Variants in NRG1 observed in about 807,000 individuals in gnomAD.
The protein encoded by NRG1 is neuregulin 1.
In NRG1, 18 loss-of-function variants were observed where a neutral mutation model predicts 63.8. That is an observed-to-expected ratio of 0.28 (90% CI 0.19 to 0.42). The LOEUF is 0.42. Among genes scored for constraint, NRG1 ranks in the 10% least tolerant of loss-of-function variants. NRG1 has a pLI of 1.00. For synonymous variants in NRG1, 302 were observed against 301.3 expected (o/e 1.00, Z -0.02); for missense variants, 762 against 814.7 (o/e 0.94, Z 0.79).
At chr8:32,307,383 G>C (rs1043947508) in intron 1 of NRG1, among the ~76,000 whole-genome samples, 1 of 151,754 alleles carries the variant, frequency 6.6e-6, no homozygotes, top group Non-Finnish European at 1.5e-5. Flanking sequence ...AAGTTAGTCA[G>C]CAAAGAGAAA....
At chr8:31,881,506 C>T (rs1167634580) in intron 1 of NRG1, among the ~76,000 whole-genome samples, 2 of 152,276 alleles carry the variant, frequency 1.3e-5, no homozygotes, top group East Asian at 1.9e-4. Context: ...CCTATAATGG[C>T]TTCTAACTGT....
intron 4 of NRG1, 111 bp from the exon 5 acceptor site, chr8:32,616,724 C>G (rs57944175): frequency 1.3e-6 from 1 of 778,964 alleles, no homozygotes; most frequent in Admixed American, 2.0e-5. Flanking sequence ...CTCTGTTGCA[C>G]GGTGTTCTAC....
intron 1 of NRG1, among the ~76,000 whole-genome samples, chr8:32,448,630 G>C (rs1587712998): frequency 6.6e-6 from 1 of 152,098 alleles, no homozygotes; most frequent in Non-Finnish European, 1.5e-5. Flanking sequence ...ACAGGATTGA[G>C]ATGAAAACCA....
chr8:31,699,181 G>A (rs1810378528), intron 1 of NRG1, among the ~76,000 whole-genome samples: 1 of 117,764 alleles, frequency 8.5e-6, no homozygotes, highest in African/African-American at 3.0e-5. Flanking sequence ...ACTAAAATGG[G>A]GTTCTGAGTT....
chr8:32,168,792 C>T (rs1335678871), intron 1 of NRG1, among the ~76,000 whole-genome samples: 1 of 152,162 alleles, frequency 6.6e-6, no homozygotes, highest in East Asian at 1.9e-4. Context: ...GACCATTCAT[C>T]CCCTTCCTAG....
intron 1 of NRG1, among the ~76,000 whole-genome samples, chr8:32,562,751 C>A (rs905065779): frequency 4.6e-5 from 7 of 152,074 alleles, no homozygotes; most frequent in African/African-American, 1.7e-4. Context: ...GAATCAGGAA[C>A]CTTGGTCAAA....
At chr8:32,077,513 A>T (rs1279922808) in intron 1 of NRG1, among the ~76,000 whole-genome samples, 1 of 152,232 alleles carries the variant, frequency 6.6e-6, no homozygotes, top group Admixed American at 6.5e-5. Context: ...GATTAATTGA[A>T]TGAATCATAT....
chr8:32,278,273 T>G (rs374284534), intron 1 of NRG1, among the ~76,000 whole-genome samples: 1 of 152,106 alleles, frequency 6.6e-6, no homozygotes, highest in South Asian at 2.1e-4. Context: ...ACTACTAAAT[T>G]GTTAGTAAAA....
chr8:32,480,575 G>A (rs1056413268), intron 1 of NRG1, among the ~76,000 whole-genome samples: 10 of 152,094 alleles, frequency 6.6e-5, no homozygotes, highest in East Asian at 3.9e-4. Context: ...GTGTTAGTCC[G>A]TTTTTGCGTT....
chr8:32,702,179 T>C (rs1033425017), intron 5 of NRG1, among the ~76,000 whole-genome samples: 3 of 152,282 alleles, frequency 2.0e-5, no homozygotes, highest in African/African-American at 7.2e-5. Flanking sequence ...TTTAGGGAAG[T>C]GTATCCTGAG....
rs535834688 is a variant in NRG1 at position 31,963,374 on chromosome 8, G to T, written c.37+323943G>T. ...CATTACCTTGAATATTGGAATTTTTGATTTTTGGATACATCAGTGTCCAGT... is the reference window on the plus strand; with the variant it reads ...CATTACCTTGAATATTGGAATTTTTTATTTTTGGATACATCAGTGTCCAGT... On this transcript the variant is annotated intron_variant, in intron 1 of 10. Transcript: ENST00000519301. Among the ~76,000 whole-genome samples, 6 of 152,220 alleles carry T rather than the reference G, an allele frequency of 3.9e-5. No individual in the cohort carries two copies. In the East Asian group the frequency reaches 7.7e-4, roughly 20 times the overall value.
intron 1 of NRG1, among the ~76,000 whole-genome samples, chr8:32,410,628 T>C (rs968986972): frequency 6.6e-6 from 1 of 152,160 alleles, no homozygotes; most frequent in Non-Finnish European, 1.5e-5. Context: ...CATTTCTTCT[T>C]CTCTTCTTCA....
chr8:31,729,986 G>A (rs563429301), intron 1 of NRG1, among the ~76,000 whole-genome samples: 55 of 152,234 alleles, frequency 3.6e-4, no homozygotes, highest in African/African-American at 1.3e-3. Context: ...TTCCTACGGA[G>A]TATAGGGTAA....
At chr8:32,527,488 T>A (rs982039728) in intron 1 of NRG1, among the ~76,000 whole-genome samples, 2 of 151,734 alleles carry the variant, frequency 1.3e-5, no homozygotes, top group African/African-American at 2.4e-5. Flanking sequence ...GAAATTGGAA[T>A]AATAGACATT....
At chr8:32,062,681 T>C (rs999004040) in intron 1 of NRG1, among the ~76,000 whole-genome samples, 1 of 152,152 alleles carries the variant, frequency 6.6e-6, no homozygotes, top group African/African-American at 2.4e-5. Context: ...CTTGACAGAA[T>C]GTTTTTCTAA....
chr8:32,197,818 G>A (rs774393014), intron 1 of NRG1, among the ~76,000 whole-genome samples: 1 of 152,148 alleles, frequency 6.6e-6, no homozygotes, highest in Non-Finnish European at 1.5e-5. Context: ...TGCATATTTT[G>A]AACTTGCAAA....
intron 1 of NRG1, among the ~76,000 whole-genome samples, chr8:32,172,986 G>A (rs972888156): frequency 5.9e-5 from 9 of 152,008 alleles, no homozygotes; most frequent in African/African-American, 2.2e-4. Flanking sequence ...GAAATACAGA[G>A]AACGCCACAA....
At chr8:32,140,944 T>C (rs753488825) in intron 1 of NRG1, among the ~76,000 whole-genome samples, 10 of 151,632 alleles carry the variant, frequency 6.6e-5, no homozygotes, top group Non-Finnish European at 1.2e-4. Flanking sequence ...GCACCTTCTC[T>C]CTCTCTCTCT....
At chr8:32,343,916 G>A (rs1174671114) in intron 1 of NRG1, among the ~76,000 whole-genome samples, 1 of 152,142 alleles carries the variant, frequency 6.6e-6, no homozygotes, top group Non-Finnish European at 1.5e-5. Flanking sequence ...TAGTCCTACC[G>A]AGTCCATTAG....
Sources: allele counts gnomAD v4.1 joint callset (sites outside exome capture counted in the v4.1 genomes callset), GRCh38; gene constraint gnomAD v4.1.1; transcripts MANE v1.5; gene names NCBI Gene and HGNC (gene_info 2026-07-23, HGNC 2026-07-21).